Variants in KYNU observed in about 807,000 individuals in gnomAD.
KYNU encodes L-kynurenine hydrolase.
In KYNU, 54 loss-of-function variants were observed where a neutral mutation model predicts 59.2. That is an observed-to-expected ratio of 0.91 (90% CI 0.73 to 1.14). KYNU has a LOEUF of 1.14. KYNU is among the 50% of genes most tolerant of loss of function. The pLI is 0.00. For synonymous variants in KYNU, 177 were observed against 192.0 expected (o/e 0.92, Z 0.65); for missense variants, 567 against 554.4 (o/e 1.02, Z -0.23).
intron 4 of KYNU, among the ~76,000 whole-genome samples, chr2:142,935,498 G>C (rs1411725415): frequency 2.0e-5 from 3 of 152,158 alleles, no homozygotes; most frequent in Non-Finnish European, 4.4e-5. Flanking sequence ...CTAGGGTCCA[G>C]ATATGGTCTT....
chr2:142,935,975 G>A lies in KYNU; in HGVS notation c.373+8234G>A, dbSNP rs114225796. 7.6e-3 allele frequency among the ~76,000 whole-genome samples: 1,152 copies of A among 152,278 alleles called. 6 individuals are homozygous for A. Among genetic ancestry groups the A allele is most frequent in the African/African-American group, 0.027 (1,104 of 41,556 alleles). On this transcript the variant is annotated intron_variant, in intron 4 of 13. Transcript: ENST00000264170. ...GGAAAAGAAGTGGATACAGCTGACT[G>A]GGAAGGTGGTGGCTGAGAAGATGAT... is the stretch of plus-strand genomic sequence containing the variant.
chr2:142,933,255 G>A (rs1487550213), intron 4 of KYNU, among the ~76,000 whole-genome samples: 1 of 152,178 alleles, frequency 6.6e-6, no homozygotes, highest in Non-Finnish European at 1.5e-5. Context: ...GACTGGGTTA[G>A]AACACCTAGT....
intron 12 of KYNU, 33 bp from the exon 13 acceptor site, chr2:143,040,395 G>A: frequency 6.6e-7 from 1 of 1,510,338 alleles, no homozygotes; most frequent in East Asian, 2.3e-5. Flanking sequence ...AAATCAATAA[G>A]ACACTTTAAT....
chr2:142,976,342 T>G (rs952651790), intron 8 of KYNU, among the ~76,000 whole-genome samples: 2 of 152,190 alleles, frequency 1.3e-5, no homozygotes, highest in African/African-American at 4.8e-5. Context: ...GGCTCCACAT[T>G]TAACCTTTCT....
rs780907622 is a variant in KYNU at position 142,885,579 on chromosome 2, A to G, written c.169+43A>G. 1.6e-5 allele frequency: 24 copies of G among 1,476,016 alleles called. No individual in the cohort carries two copies. The South Asian group carries it at 1.8e-4, about 11-fold the overall frequency. 91.4% of individuals were successfully genotyped at this position (1,476,016 alleles called of 1,614,324 possible). A position where few individuals can be genotyped will look rare whatever the true frequency, so the allele number is the denominator to read the frequency against. On this transcript the variant is annotated intron_variant, in intron 2 of 13. Coordinates refer to ENST00000264170, the MANE Select transcript of KYNU (RefSeq NM_003937.3). The stretch of plus-strand genomic sequence containing the variant: ...GTTTTTAAATTTTATTTATTTATTT[A>G]TTTTTGCTACTGCATGTGTTTATTA...
intron 8 of KYNU, among the ~76,000 whole-genome samples, chr2:142,978,534 C>T (rs1268397730): frequency 2.6e-5 from 4 of 152,100 alleles, no homozygotes; most frequent in African/African-American, 9.7e-5. Context: ...AATTCACCTA[C>T]CATAATGATA....
chr2:142,934,194 G>A (rs1283136198), intron 4 of KYNU, among the ~76,000 whole-genome samples: 1 of 152,170 alleles, frequency 6.6e-6, no homozygotes, highest in Admixed American at 6.5e-5. Context: ...TATGCGAGTT[G>A]CTTGGGAGAT....
chr2:142,993,441 T>C (rs1002154378), intron 10 of KYNU, among the ~76,000 whole-genome samples: 4 of 151,964 alleles, frequency 2.6e-5, no homozygotes, highest in Admixed American at 2.0e-4. Flanking sequence ...ACTCTTGAAG[T>C]GGGTTACACC....
intron 13 of KYNU, 99 bp from the exon 14 acceptor site, chr2:143,041,948 A>T: frequency 7.9e-7 from 1 of 1,262,290 alleles, no homozygotes; most frequent in Non-Finnish European, 1.1e-6. Context: ...ATTTTTAGGG[A>T]AATCATTATG....
At position 143,011,096 on chromosome 2, in the gene KYNU, C is replaced by A. The variant is rs28859939; in HGVS notation, c.903-18531C>A. Among the ~76,000 whole-genome samples the A allele has an allele frequency of 1.8e-4, 26 of 145,050 alleles. 2 individuals are homozygous for A. Among genetic ancestry groups the A allele is most frequent in the Admixed American group, 5.5e-4 (8 of 14,562 alleles). On this transcript the variant is annotated intron_variant, in intron 10 of 13. Coordinates refer to ENST00000264170, the MANE Select transcript of KYNU (RefSeq NM_003937.3). ...TTAAACTAAAGAGCTTCTGCACAGC[C>A]AAAGAAACTACCATCAGAGTGAACA... is the stretch of plus-strand genomic sequence containing the variant.
At chr2:143,040,161 CATG>C (rs200462229) in intron 12 of KYNU, among the ~76,000 whole-genome samples, 1,904 of 152,110 alleles carry the variant, frequency 0.013, 21 homozygotes, top group Non-Finnish European at 0.019. Context: ...GCCACAGGTA[CATG>C]ATATTAACTT....
At chr2:143,008,027 A>C (rs1184769194) in intron 10 of KYNU, among the ~76,000 whole-genome samples, 1 of 127,186 alleles carries the variant, frequency 7.9e-6, no homozygotes, top group East Asian at 2.8e-4. Flanking sequence ...AGCTAACATC[A>C]TAATGACAGG....
At chr2:142,882,572 A>G (rs1479949219) in intron 1 of KYNU, among the ~76,000 whole-genome samples, 2 of 152,112 alleles carry the variant, frequency 1.3e-5, no homozygotes, top group Non-Finnish European at 2.9e-5. Context: ...GAGTGAGAAC[A>G]TGTGGTGTTT....
intron 1 of KYNU, 91 bp from the exon 2 acceptor site, chr2:142,885,258 C>A: frequency 1.0e-6 from 1 of 977,094 alleles, no homozygotes; most frequent in Non-Finnish European, 1.6e-6. Context: ...AAAAGGGAGT[C>A]TTAGTGAAAA....
At chr2:143,004,797 A>G (rs1428650422) in intron 10 of KYNU, among the ~76,000 whole-genome samples, 2 of 152,228 alleles carry the variant, frequency 1.3e-5, no homozygotes, top group Non-Finnish European at 1.5e-5. Flanking sequence ...TAAACTAGGT[A>G]CTACTAACTT....
intron 4 of KYNU, among the ~76,000 whole-genome samples, chr2:142,936,923 A>G (rs1371602451): frequency 6.6e-6 from 1 of 152,202 alleles, no homozygotes; most frequent in African/African-American, 2.4e-5. Context: ...GAAACCCAAG[A>G]GCGCAACAGA....
chr2:142,975,347 A>G (rs868341824), intron 8 of KYNU, among the ~76,000 whole-genome samples: 1 of 152,090 alleles, frequency 6.6e-6, no homozygotes. Flanking sequence ...TCCCCTTTCC[A>G]GTTCCTCATC....
In KYNU at chr2:143,055,757, A is replaced by C. The variant is rs1687344718; in HGVS notation, c.*13585A>C. Reference sequence around the variant, plus strand: ...TATGAAAAAATCTTGATAAATTTGAAAACTGGGTGAATAATATGTGGAATT... The same window carrying C: ...TATGAAAAAATCTTGATAAATTTGACAACTGGGTGAATAATATGTGGAATT... On this transcript the variant is annotated 3_prime_UTR_variant, in exon 14 of 14. Transcript: ENST00000264170. The C allele has an allele frequency of 6.6e-6, 1 of 152,132 alleles. No individual in the cohort carries two copies. The highest frequency in any genetic ancestry group is 2.1e-4 in the South Asian group (1 of 4,832). 9.4% of individuals were successfully genotyped at this position (152,132 alleles called of 1,614,324 possible).
chr2:143,053,054 G>A lies in KYNU; in HGVS notation c.*10882G>A, dbSNP rs1356110980. 1 of 152,354 alleles carries A rather than the reference G, an allele frequency of 6.6e-6. No individual in the cohort carries two copies. The highest frequency in any genetic ancestry group is 2.1e-4 in the South Asian group (1 of 4,840). The allele number at this position is 152,354 out of a possible 1,614,324, so 9.4% of individuals were successfully genotyped here. The stretch of plus-strand genomic sequence containing the variant: ...CCTGGATGTGAGACATGGAGTCAAA[G>A]GAGATCATTTTGGAGCTTTAAGATT... On this transcript the variant is annotated 3_prime_UTR_variant, in exon 14 of 14. Coordinates refer to ENST00000264170, the MANE Select transcript of KYNU (RefSeq NM_003937.3).
Sources: allele counts gnomAD v4.1 joint callset (sites outside exome capture counted in the v4.1 genomes callset), GRCh38; gene constraint gnomAD v4.1.1; transcripts MANE v1.5; gene names NCBI Gene and HGNC (gene_info 2026-07-23, HGNC 2026-07-21).